Variants in LDB2 observed in about 807,000 individuals in gnomAD.
LDB2 encodes LIM domain binding 2, also known as LIM domain-binding protein 2.
LDB2 carries 12 observed loss-of-function variants against 44.3 expected under a neutral mutation model. The ratio of observed to expected loss-of-function variants is 0.27; its 90% CI spans 0.17 to 0.44. LDB2 has a LOEUF of 0.44. Ranked by LOEUF, LDB2 falls within the 20% of genes least tolerant of loss-of-function variation. The probability of loss-of-function intolerance (pLI) is 1.00; values close to 1 mark genes in which losing one functional copy is unlikely to be tolerated. For synonymous variants in LDB2, 164 were observed against 174.8 expected (o/e 0.94, Z 0.49); for missense variants, 344 against 473.5 (o/e 0.73, Z 2.54).
intron 1 of LDB2, among the ~76,000 whole-genome samples, chr4:16,788,765 C>T (rs988940540): frequency 2.0e-5 from 3 of 152,218 alleles, no homozygotes; most frequent in African/African-American, 7.2e-5. Flanking sequence ...CGTCGAATGA[C>T]ATTAATAGTG....
chr4:16,659,831 C>G (rs1257200536), intron 2 of LDB2, among the ~76,000 whole-genome samples: 4 of 152,034 alleles, frequency 2.6e-5, no homozygotes, highest in African/African-American at 7.2e-5. Context: ...TCACATTTGA[C>G]TGGCTTTGTC....
rs532050345 is a variant in LDB2 at position 16,780,291 on chromosome 4, C to A, written c.133-21031G>T. 2.0e-5 allele frequency among the ~76,000 whole-genome samples: 3 copies of A among 152,208 alleles called. No homozygotes were observed. The South Asian group carries it at 6.2e-4, about 32-fold the overall frequency. On this transcript the variant is annotated intron_variant, in intron 1 of 7. Coordinates refer to ENST00000304523, the MANE Select transcript of LDB2 (RefSeq NM_001290.5). ...AGGCTGGAATGCAGTGGTGTGATCT[C>A]AGCTCACTGCAACCTCCGCCTCCCA... is the stretch of plus-strand genomic sequence containing the variant.
At chr4:16,566,499 T>C (rs944604501) in intron 5 of LDB2, among the ~76,000 whole-genome samples, 1 of 152,118 alleles carries the variant, frequency 6.6e-6, no homozygotes, top group African/African-American at 2.4e-5. Context: ...TTCCTCTCAT[T>C]TTGTAACCCC....
At chr4:16,887,046 A>G (rs373449452) in intron 1 of LDB2, among the ~76,000 whole-genome samples, 4,728 of 149,652 alleles carry the variant, frequency 0.032, 108 homozygotes, top group South Asian at 0.051. Flanking sequence ...AAAAAAAAAA[A>G]AAAAAAAAAA....
rs180709127 is a variant in LDB2, at chr4:16,822,799, C to T, written c.133-63539G>A. Among the ~76,000 whole-genome samples the T allele has an allele frequency of 4.2e-3, 636 of 152,252 alleles. 7 individuals carry two copies. Among genetic ancestry groups the T allele is most frequent in the African/African-American group, 0.015 (610 of 41,552 alleles). On this transcript the variant is annotated intron_variant, in intron 1 of 7. Coordinates refer to ENST00000304523, the MANE Select transcript of LDB2 (RefSeq NM_001290.5). ...CCAAAGTGCTGAGATTACAGGCATG[C>T]ACCACCGTGCCCGACCACGTGCTCT...
intron 2 of LDB2, among the ~76,000 whole-genome samples, chr4:16,609,865 C>T (rs537482062): frequency 6.6e-6 from 1 of 152,214 alleles, no homozygotes. Flanking sequence ...CAAAGCACTT[C>T]GTTAAATGGG....
intron 2 of LDB2, among the ~76,000 whole-genome samples, chr4:16,673,566 G>A (rs1186519831): frequency 6.6e-6 from 1 of 152,152 alleles, no homozygotes; most frequent in Non-Finnish European, 1.5e-5. Flanking sequence ...TTGAGGAACT[G>A]TCAAATTTTG....
intron 5 of LDB2, among the ~76,000 whole-genome samples, chr4:16,547,683 G>C (rs1030172736): frequency 6.6e-6 from 1 of 152,124 alleles, no homozygotes; most frequent in Non-Finnish European, 1.5e-5. Context: ...CCTAATTATA[G>C]AGGCAGCAGT....
intron 2 of LDB2, among the ~76,000 whole-genome samples, chr4:16,649,953 T>C (rs1312791405): frequency 3.3e-5 from 5 of 152,214 alleles, no homozygotes; most frequent in African/African-American, 1.2e-4. Flanking sequence ...TACCTGTCAA[T>C]AACTGGTGAG....
At chr4:16,620,166 T>C (rs1728488651) in intron 2 of LDB2, among the ~76,000 whole-genome samples, 1 of 152,186 alleles carries the variant, frequency 6.6e-6, no homozygotes, top group South Asian at 2.1e-4. Context: ...TCCATATCTT[T>C]AATGTCCAAA....
At chr4:16,630,893 C>T (rs147975775) in intron 2 of LDB2, among the ~76,000 whole-genome samples, 3,940 of 152,238 alleles carry the variant, frequency 0.026, 59 homozygotes, top group East Asian at 0.061. Flanking sequence ...GCTAACTATC[C>T]TAAATATATA....
intron 1 of LDB2, among the ~76,000 whole-genome samples, chr4:16,836,704 C>T (rs753404020): frequency 8.5e-5 from 13 of 152,116 alleles, no homozygotes; most frequent in African/African-American, 9.7e-5. Flanking sequence ...TTATTGATTT[C>T]GTCTAGTTAC....
chr4:16,690,317 G>T (rs1750323828), intron 2 of LDB2, among the ~76,000 whole-genome samples: 1 of 151,490 alleles, frequency 6.6e-6, no homozygotes, highest in Non-Finnish European at 1.5e-5. Context: ...AAAAAAATTA[G>T]CTGGGAATGG....
At position 16,699,078 on chromosome 4, in the gene LDB2, A is replaced by C. The variant is rs557612255; in HGVS notation, c.235+60080T>G. Among the ~76,000 whole-genome samples the C allele has an allele frequency of 6.5e-4, 99 of 152,296 alleles. 1 individual carries two copies. The South Asian group carries it at 0.019, about 30-fold the overall frequency. On this transcript the variant is annotated intron_variant, in intron 2 of 7. Coordinates refer to ENST00000304523, the MANE Select transcript of LDB2 (RefSeq NM_001290.5). ...ACACAGCTTTTTTACCCATTTGTTC[A>C]AATAAGCGGTAGAGGAATTGTGGTT...
chr4:16,690,161 G>A (rs985699705), intron 2 of LDB2, among the ~76,000 whole-genome samples: 1 of 152,078 alleles, frequency 6.6e-6, no homozygotes, highest in Non-Finnish European at 1.5e-5. Flanking sequence ...TTTATCACAA[G>A]GGTGTGTGGT....
intron 1 of LDB2, among the ~76,000 whole-genome samples, chr4:16,780,074 G>GA (rs1337085491): frequency 6.6e-6 from 1 of 151,894 alleles, no homozygotes; most frequent in Admixed American, 6.6e-5. Context: ...ATAGAGTTTA[G>GA]AAAAAAACCT....
At chr4:16,505,848 A>T (rs903731666) in intron 7 of LDB2, 1 of 1,547,774 alleles carries the variant, frequency 6.5e-7, no homozygotes, top group Non-Finnish European at 8.7e-7. Flanking sequence ...ACCTCTGAGG[A>T]GGACTGGAAG....
At chr4:16,643,902 G>T (rs1205867833) in intron 2 of LDB2, among the ~76,000 whole-genome samples, 1 of 152,102 alleles carries the variant, frequency 6.6e-6, no homozygotes, top group African/African-American at 2.4e-5. Flanking sequence ...AATAATTTTT[G>T]TGTGTGTGCA....
chr4:16,838,117 A>C (rs1785215572), intron 1 of LDB2, among the ~76,000 whole-genome samples: 1 of 152,258 alleles, frequency 6.6e-6, no homozygotes, highest in Non-Finnish European at 1.5e-5. Flanking sequence ...TGTTTGTATG[A>C]ACAGCAAAGC....
Sources: gnomAD v4.1 joint callset for allele counts (sites outside exome capture counted in the v4.1 genomes callset) on GRCh38, gnomAD v4.1.1 for gene constraint, MANE v1.5 for transcripts, NCBI Gene and HGNC (gene_info 2026-07-23, HGNC 2026-07-21) for gene names.